SPECC1: variants seen among roughly 807,000 people sequenced by gnomAD.
The protein encoded by SPECC1 is cytospin-B.
SPECC1 carries 62 observed loss-of-function variants against 104.1 expected under a neutral mutation model. The ratio of observed to expected loss-of-function variants is 0.60; its 90% CI spans 0.49 to 0.74. The LOEUF is 0.74. SPECC1 is among the 30% of genes least tolerant of loss of function. The pLI is 0.00. For synonymous variants in SPECC1, 513 were observed against 501.6 expected, an observed-to-expected ratio of 1.02 and a Z score of -0.30; for missense variants, 1,306 against 1,310.5, an observed-to-expected ratio of 1.00 and a Z score of 0.05.
chr17:20,128,094 C>T (rs1343528527), intron 3 of SPECC1, among the ~76,000 whole-genome samples: 2 of 152,120 alleles, frequency 1.3e-5, no homozygotes, highest in Non-Finnish European at 2.9e-5. Context: ...AGTGACATAT[C>T]AGTGTGTAAG....
rs549611671 is a variant in SPECC1, at chr17:20,091,301, G to A, written c.-21-5330G>A. 1.3e-4 allele frequency among the ~76,000 whole-genome samples: 20 copies of A among 152,212 alleles called. No homozygotes were observed. In the South Asian group the frequency reaches 2.1e-3, roughly 16 times the overall value. ...TGAAGTCTGGGATTCCGTCAGCTGC[G>A]CCCCAACCAGATTTTCAGTGTTAAT... On this transcript the variant is annotated intron_variant, in intron 1 of 14. Transcript: ENST00000395527.
intron 1 of SPECC1, among the ~76,000 whole-genome samples, chr17:20,011,456 ATATCTGTATG>A (rs1011896765): frequency 6.6e-6 from 1 of 152,016 alleles, no homozygotes; most frequent in Non-Finnish European, 1.5e-5. Context: ...AGACTCTTAC[ATATCTGTATG>A]TATCTGTATG....
intron 1 of SPECC1, among the ~76,000 whole-genome samples, chr17:20,013,741 G>T (rs1027882667): frequency 6.6e-6 from 1 of 151,644 alleles, no homozygotes; most frequent in South Asian, 2.1e-4. Flanking sequence ...GACCTCAAGT[G>T]ATCTGCCTGC....
chr17:20,195,565 T>G (rs984266466), intron 3 of SPECC1, among the ~76,000 whole-genome samples: 1 of 151,916 alleles, frequency 6.6e-6, no homozygotes, highest in Non-Finnish European at 1.5e-5. Flanking sequence ...ACCCAATTTT[T>G]TTTTTTTTTT....
At chr17:20,224,566 A>G (rs1444820216) in intron 4 of SPECC1, among the ~76,000 whole-genome samples, 1 of 151,904 alleles carries the variant, frequency 6.6e-6, no homozygotes, top group East Asian at 1.9e-4. Context: ...TGGAAGACAA[A>G]GCCCTTTACC....
At chr17:20,240,546 C>A (rs2039156603) in intron 7 of SPECC1, among the ~76,000 whole-genome samples, 1 of 152,092 alleles carries the variant, frequency 6.6e-6, no homozygotes, top group South Asian at 2.1e-4. Flanking sequence ...TTGATGCACA[C>A]ACATATGCAG....
At chr17:20,302,188 T>A (rs2041610740) in intron 13 of SPECC1, among the ~76,000 whole-genome samples, 1 of 152,184 alleles carries the variant, frequency 6.6e-6, no homozygotes, top group South Asian at 2.1e-4. Flanking sequence ...CTCCCGTCGG[T>A]TTTGAGTGTG....
chr17:20,094,081 G>A (rs1312518288), intron 1 of SPECC1, among the ~76,000 whole-genome samples: 1 of 152,034 alleles, frequency 6.6e-6, no homozygotes, highest in Non-Finnish European at 1.5e-5. Flanking sequence ...AGCAGTGTAT[G>A]GCTGATGGGT....
At chr17:20,093,726 GTTTTTTGTTTTTT>G (rs2047510301) in intron 1 of SPECC1, among the ~76,000 whole-genome samples, 1 of 143,478 alleles carries the variant, frequency 7.0e-6, no homozygotes, top group African/African-American at 2.7e-5. Flanking sequence ...TTTTGTTTTT[GTTTTTTGTTTTTT>G]TTTTTTTTGG....
At chr17:20,101,129 T>C (rs949500548) in intron 2 of SPECC1, among the ~76,000 whole-genome samples, 10 of 152,214 alleles carry the variant, frequency 6.6e-5, no homozygotes, top group African/African-American at 2.4e-4. Context: ...TAAACATACA[T>C]GTGCATGTGT....
At chr17:20,120,597 G>C (rs1370741650) in intron 3 of SPECC1, among the ~76,000 whole-genome samples, 1 of 152,088 alleles carries the variant, frequency 6.6e-6, no homozygotes, top group Non-Finnish European at 1.5e-5. Flanking sequence ...AGACTTGTAG[G>C]GGGCAGAATT....
chr17:20,257,508 C>T lies in SPECC1; in HGVS notation c.2738C>T (p.Pro913Leu). Residue 913 changes from proline (P) to leucine (L), a missense_variant, in exon 11 of 15, where the codon CCC (proline) becomes CTC (leucine). Physicochemically the swap from Pro to Leu is moderately conservative, Grantham distance 98 (BLOSUM62 -3). Transcript: ENST00000395527. ...LKPDPHLRKS[P>L]SLESLSRPPS... Reference sequence around the variant, plus strand: ...CCAGACCCCCACCTCCGCAAGAGTCCCTCACTAGAGTCACTGAGCAGACCC... The same window carrying T: ...CCAGACCCCCACCTCCGCAAGAGTCTCTCACTAGAGTCACTGAGCAGACCC... 3 of 1,611,596 alleles carry T rather than the reference C, an allele frequency of 1.9e-6. No homozygotes were observed. Among genetic ancestry groups the T allele is most frequent in the Non-Finnish European group, 2.5e-6 (3 of 1,179,406 alleles).
intron 2 of SPECC1, among the ~76,000 whole-genome samples, chr17:20,107,184 A>G (rs2048263106): frequency 6.6e-6 from 1 of 150,614 alleles, no homozygotes; most frequent in African/African-American, 2.4e-5. Context: ...AGAAAAACAA[A>G]AGAAAATGTG....
chr17:20,017,412 C>G (rs577444271), intron 1 of SPECC1: 1 of 153,814 alleles, frequency 6.5e-6, no homozygotes, highest in South Asian at 2.1e-4. Flanking sequence ...GACTACGAAC[C>G]CACCAGAAGG....
intron 1 of SPECC1, among the ~76,000 whole-genome samples, chr17:20,044,089 G>T (rs2045440618): frequency 6.6e-6 from 1 of 152,056 alleles, no homozygotes; most frequent in Admixed American, 6.6e-5. Flanking sequence ...TAGAATCCAA[G>T]AATTTTTCTA....
chr17:20,167,941 G>A (rs1807930402), intron 3 of SPECC1, among the ~76,000 whole-genome samples: 1 of 152,120 alleles, frequency 6.6e-6, no homozygotes. Context: ...ATCAGGTTAA[G>A]TCAAAGAAGA....
chr17:20,273,361 C>G (rs1019229200), intron 12 of SPECC1, among the ~76,000 whole-genome samples: 23 of 151,980 alleles, frequency 1.5e-4, no homozygotes, highest in African/African-American at 5.6e-4. Flanking sequence ...GCCTGTAGTC[C>G]CAACTGCTTG....
chr17:20,297,489 G>T (rs1356047407), intron 13 of SPECC1, among the ~76,000 whole-genome samples: 1 of 152,200 alleles, frequency 6.6e-6, no homozygotes. Context: ...ACACAGCATA[G>T]ATCAGATCCA....
At chr17:20,264,747 C>G (rs150729896) in intron 12 of SPECC1, among the ~76,000 whole-genome samples, 2 of 152,022 alleles carry the variant, frequency 1.3e-5, no homozygotes, top group South Asian at 4.2e-4. Flanking sequence ...GCTGGGATTA[C>G]AGGTTCACAC....
Sources: allele counts gnomAD v4.1 joint callset (sites outside exome capture counted in the v4.1 genomes callset), GRCh38; gene constraint gnomAD v4.1.1; transcripts MANE v1.5; gene names NCBI Gene and HGNC (gene_info 2026-07-23, HGNC 2026-07-21).